The following TKFC variants were observed in gnomAD, a reference collection of about 807,000 sequenced individuals.
TKFC encodes the protein triokinase and FMN cyclase.
A neutral mutation model predicts 61.0 loss-of-function variants in TKFC; 46 were observed. The observed-to-expected ratio is 0.75, with a 90% CI of 0.60 to 0.96. TKFC has a LOEUF of 0.96. Ranked by LOEUF, TKFC falls within the 50% of genes least tolerant of loss-of-function variation. The pLI, the probability that TKFC is intolerant of heterozygous loss-of-function variation, is 0.00. For synonymous variants in TKFC, 314 were observed against 330.1 expected (o/e 0.95, Z 0.53); for missense variants, 715 against 777.5 (o/e 0.92, Z 0.96).
chr11:61,346,302 G>T lies in TKFC; in HGVS notation c.1576-49G>T. ...ACGTTCTGCCCATGGCAGGAAGGAGGCGGCCTGGTGATCTGCCCTTGAACC... is the reference window on the plus strand; with the variant it reads ...ACGTTCTGCCCATGGCAGGAAGGAGTCGGCCTGGTGATCTGCCCTTGAACC... On this transcript the variant is annotated intron_variant, in intron 17 of 17. Transcript: ENST00000394900. This position sits in a 1 kb window ranked among gnomAD's most constrained non-coding sequence, Gnocchi z 4.1. 6.2e-7 allele frequency: 1 copy of T among 1,608,690 alleles called. No homozygotes were observed.
Position 61,345,463 on chromosome 11 carries a change from T to C in TKFC, c.1349T>C (p.Leu450Pro). ...LEKMGGSSGA[L>P]YGLFLTAAAQ... Reference sequence around the variant, plus strand: ...GCTCAGCGTTGTCATCTTCCCCAGCTCTATGGCCTGTTCCTGACTGCGGCT... The same window carrying C: ...GCTCAGCGTTGTCATCTTCCCCAGCCCTATGGCCTGTTCCTGACTGCGGCT... The change falls in exon 15 of 18, where the codon CTC becomes CCC. Residue 450 changes from leucine to proline, a missense_variant and splice_region_variant. Leu to Pro is a moderately conservative substitution (Grantham distance 98). Coordinates refer to ENST00000394900, the MANE Select transcript of TKFC (RefSeq NM_015533.4). 1 of 1,613,198 alleles carries C rather than the reference T, an allele frequency of 6.2e-7. No homozygotes were observed. Among genetic ancestry groups the C allele is most frequent in the Middle Eastern group, 1.7e-4 (1 of 6,058 alleles).
At chr11:61,333,831 C>G (rs1452318284) in intron 1 of TKFC, 3 of 152,248 alleles carry the variant, frequency 2.0e-5, no homozygotes, top group Non-Finnish European at 2.9e-5. Flanking sequence ...CGTGGCTTGG[C>G]ACACTCGCAG....
At chr11:61,353,152 G>T, downstream of TKFC, 2 of 1,593,128 alleles carry the variant, frequency 1.3e-6, no homozygotes, top group Non-Finnish European at 1.7e-6. Flanking sequence ...GTGGACAAAA[G>T]GGAGGACACA....
In TKFC at chr11:61,346,777, T is replaced by C. The variant is rs1179283943; in HGVS notation, c.*274T>C. On this transcript the variant is annotated 3_prime_UTR_variant, in exon 18 of 18. Coordinates refer to ENST00000394900, the MANE Select transcript of TKFC (RefSeq NM_015533.4). This position sits in a 1 kb window ranked among gnomAD's most constrained non-coding sequence, Gnocchi z 4.1. ...ATGCCCTCCCCTGCCAGCTCTGGGC[T>C]TCAGAGATAAGGCATTTTCCTTGTG... The C allele has an allele frequency of 8.2e-7, 1 of 1,215,058 alleles. No individual in the cohort carries two copies. Among genetic ancestry groups the C allele is most frequent in the Non-Finnish European group, 1.0e-6 (1 of 974,128 alleles). 75.3% of individuals were successfully genotyped at this position (1,215,058 alleles called of 1,614,324 possible).
intron 5 of TKFC, 32 bp from the exon 6 acceptor site, chr11:61,341,404 C>G (rs1400847527): frequency 6.4e-7 from 1 of 1,550,960 alleles, no homozygotes; most frequent in Non-Finnish European, 8.7e-7. Flanking sequence ...GATACCCTCC[C>G]CCCTGGGGCT....
chr11:61,341,655 T>TAA, intron 6 of TKFC, 141 bp downstream of exon 6: 1 of 1,224,998 alleles, frequency 8.2e-7, no homozygotes, highest in Non-Finnish European at 1.2e-6. Context: ...CTGGGGGAGC[T>TAA]CCTGGGGACT....
chr11:61,334,260 G>A (rs1439277466), intron 1 of TKFC: 1 of 160,192 alleles, frequency 6.2e-6, no homozygotes, highest in Non-Finnish European at 1.4e-5. Context: ...CTTCCCTTTT[G>A]GTGCCAAGGC....
intron 1 of TKFC, chr11:61,334,291 C>T (rs866474253): frequency 3.5e-5 from 6 of 172,940 alleles, no homozygotes; most frequent in Middle Eastern, 2.6e-3. Flanking sequence ...AAGCGTGTGA[C>T]GAGCTTTGTT....
At chr11:61,341,949 C>T in intron 7 of TKFC, 37 bp downstream of exon 7, 1 of 1,588,672 alleles carries the variant, frequency 6.3e-7, no homozygotes, top group Non-Finnish European at 8.6e-7. Context: ...CCTGCCTGCT[C>T]CTTGGCCCTG....
At chr11:61,351,353 G>A (rs927565211), downstream of TKFC, 5 of 442,910 alleles carry the variant, frequency 1.1e-5, no homozygotes, top group Admixed American at 5.0e-5. Context: ...GCAGTGGCAC[G>A]ATCTCGGCTC....
intron 2 of TKFC, among the ~76,000 whole-genome samples, chr11:61,337,143 G>A (rs895057312): frequency 6.6e-6 from 1 of 152,138 alleles, no homozygotes; most frequent in African/African-American, 2.4e-5. Context: ...GAACAGCATT[G>A]TTATCTCTTT....
Position 61,346,599 on chromosome 11 carries a change from C to G in TKFC, c.*96C>G, listed in dbSNP as rs534987690. 1.1e-5 allele frequency: 17 copies of G among 1,496,950 alleles called. No homozygotes were observed. In the South Asian group the frequency reaches 2.1e-4, roughly 19 times the overall value. 92.7% of individuals were successfully genotyped at this position (1,496,950 alleles called of 1,614,324 possible). A position where few individuals can be genotyped will look rare whatever the true frequency, so the allele number is the denominator to read the frequency against. ...CTGCCTTCCAACCCTCACCTTCCCC[C>G]GGCCTGGCCCCATTGGCCCACCCTC... is the stretch of plus-strand genomic sequence containing the variant. On this transcript the variant is annotated 3_prime_UTR_variant, in exon 18 of 18. Coordinates refer to ENST00000394900, the MANE Select transcript of TKFC (RefSeq NM_015533.4). The surrounding 1 kb of genome is among the most constrained non-coding windows in gnomAD (Gnocchi z 4.1).
chr11:61,342,543 G>A, intron 8 of TKFC, 31 bp from the exon 9 acceptor site: 1 of 1,614,060 alleles, frequency 6.2e-7, no homozygotes, highest in Non-Finnish European at 8.5e-7. Flanking sequence ...AGGCCCCCCA[G>A]ATGCAGCTCA....
chr11:61,348,455 C>A lies in TKFC; in HGVS notation c.*1952C>A, dbSNP rs1300325635. Reference sequence around the variant, plus strand: ...ACAAATTGGCCCAGAACTCATTTAACCACAGCATCATTTCATTAGAGGGCT... The same window carrying A: ...ACAAATTGGCCCAGAACTCATTTAAACACAGCATCATTTCATTAGAGGGCT... On this transcript the variant is annotated 3_prime_UTR_variant, in exon 18 of 18. Coordinates refer to ENST00000394900, the MANE Select transcript of TKFC (RefSeq NM_015533.4). The A allele has an allele frequency of 1.1e-5, 11 of 985,324 alleles. No homozygotes were observed. Among genetic ancestry groups the A allele is most frequent in the African/African-American group, 3.5e-5 (2 of 57,228 alleles). The allele number at this position is 985,324 out of a possible 1,614,324, so 61.0% of individuals were successfully genotyped here.
At chr11:61,344,614 C>T (rs4939515) in intron 13 of TKFC, among the ~76,000 whole-genome samples, 128,700 of 151,986 alleles carry the variant, frequency 0.85, 58,207 homozygotes, top group Non-Finnish European at 1. Context: ...TCCGCTCGCC[C>T]TGGCCTCCCA....
chr11:61,344,456 C>CG (rs1160816510), intron 13 of TKFC, among the ~76,000 whole-genome samples, 183 bp downstream of exon 13: 2 of 146,056 alleles, frequency 1.4e-5, no homozygotes, highest in Non-Finnish European at 3.0e-5. Flanking sequence ...CTCCGCCCCC[C>CG]GGGTTCAAGT....
intron 5 of TKFC, among the ~76,000 whole-genome samples, chr11:61,340,034 A>G (rs1381183998): frequency 6.6e-6 from 1 of 150,964 alleles, no homozygotes; most frequent in Non-Finnish European, 1.5e-5. Flanking sequence ...TTTTTGAGGC[A>G]GAGTCTCACT....
chr11:61,335,108 G>A (rs934097041), intron 2 of TKFC, among the ~76,000 whole-genome samples: 1 of 152,228 alleles, frequency 6.6e-6, no homozygotes, highest in Non-Finnish European at 1.5e-5. Context: ...GCTTATGTGG[G>A]CCGGTCTGGA....
At position 61,346,806 on chromosome 11, in the gene TKFC, C is replaced by G. The variant is rs997300666; in HGVS notation, c.*303C>G. The G allele has an allele frequency of 8.7e-7, 1 of 1,146,622 alleles. No individual in the cohort carries two copies. Among genetic ancestry groups the G allele is most frequent in the Non-Finnish European group, 1.1e-6 (1 of 932,522 alleles). The allele number at this position is 1,146,622 out of a possible 1,614,324, so 71.0% of individuals were successfully genotyped here. ...GAGATAAGGCATTTTCCTTGTGCAG[C>G]CTTTACCTGGCAATCCTAATTTGGT... On this transcript the variant is annotated 3_prime_UTR_variant, in exon 18 of 18. Coordinates refer to ENST00000394900, the MANE Select transcript of TKFC (RefSeq NM_015533.4). This position sits in a 1 kb window ranked among gnomAD's most constrained non-coding sequence, Gnocchi z 4.1.
Sources: gnomAD v4.1 joint callset for allele counts (sites outside exome capture counted in the v4.1 genomes callset) on GRCh38, gnomAD v4.1.1 for gene constraint, Gnocchi (gnomAD v3.1) non-coding constraint, MANE v1.5 for transcripts, NCBI Gene and HGNC (gene_info 2026-07-23, HGNC 2026-07-21) for gene names.